Variants in ASPG observed in about 807,000 individuals in gnomAD.
The protein encoded by ASPG is 60 kDa lysophospholipase.
In ASPG, 53 loss-of-function variants were observed where a neutral mutation model predicts 63.2. That is an observed-to-expected ratio of 0.84 (90% CI 0.67 to 1.05). The LOEUF is 1.05. ASPG is among the 50% of genes least tolerant of loss of function. The probability of loss-of-function intolerance (pLI) is 0.00; values close to 1 mark genes in which losing one functional copy is unlikely to be tolerated. For missense variants in ASPG, 741 were observed against 794.4 expected (o/e 0.93, Z 0.81); for synonymous variants, 370 against 355.0 (o/e 1.04, Z -0.48).
At chr14:104,096,141 C>T (rs2036586692) in intron 4 of ASPG, among the ~76,000 whole-genome samples, 2 of 152,228 alleles carry the variant, frequency 1.3e-5, no homozygotes, top group Admixed American at 1.3e-4. Context: ...CTGCCTCTCT[C>T]ACCCTAACCC....
At chr14:104,092,772 GGGCAT>G (rs1381704324) in intron 2 of ASPG, 31 bp downstream of exon 2, 4 of 1,518,512 alleles carry the variant, frequency 2.6e-6, no homozygotes, top group Admixed American at 2.0e-5. Flanking sequence ...GTCCCGGACA[GGGCAT>G]GGCTGCTGAG....
chr14:104,111,112 G>A (rs924504264), intron 13 of ASPG: 53 of 985,332 alleles, frequency 5.4e-5, no homozygotes, highest in Non-Finnish European at 6.1e-5. Context: ...CTGCTCGGCA[G>A]GTGGGCGTGC....
Position 104,103,646 on chromosome 14 carries a change from C to T in ASPG, c.724C>T (p.Arg242Cys), listed in dbSNP as rs763424533. ...CATGGAGCAGGACGTGGGCCTGCTG[C>T]GCCTCTACCCTGGGATCCCTGCCGC... ...SSMEQDVGLL[R>C]LYPGIPAALV... The change falls in exon 7 of 16, where the codon CGC becomes TGC. Residue 242 changes from arginine (R) to cysteine (C), a missense_variant. Physicochemically the swap from Arg to Cys is radical, Grantham distance 180. Transcript: ENST00000551177. 258 of 1,547,970 alleles carry T rather than the reference C, an allele frequency of 1.7e-4. 2 individuals are homozygous for T. The highest frequency in any genetic ancestry group is 2.7e-5 in the African/African-American group (2 of 73,086).
chr14:104,093,801 G>A (rs1174207474), intron 3 of ASPG, among the ~76,000 whole-genome samples, 199 bp downstream of exon 3: 1 of 145,466 alleles, frequency 6.9e-6, no homozygotes, highest in African/African-American at 2.5e-5. Flanking sequence ...TGTGGGTGGG[G>A]CTGTGGAGAG....
rs753116783 is a variant in ASPG at position 104,107,371 on chromosome 14, C to T, written c.1433+26C>T. 2.8e-6 allele frequency: 4 copies of T among 1,451,034 alleles called. No individual in the cohort carries two copies. The South Asian group carries it at 6.0e-5, about 22-fold the overall frequency. The allele number at this position is 1,451,034 out of a possible 1,614,324, so 89.9% of individuals were successfully genotyped here. The stretch of plus-strand genomic sequence containing the variant: ...GTAATGGAGCTAGGGCTGCACAGAG[C>T]TGCCTTGGACAGGTGGGCGCAGAGA... On this transcript the variant is annotated intron_variant, in intron 12 of 15. Coordinates refer to ENST00000551177, the MANE Select transcript of ASPG (RefSeq NM_001080464.3).
intron 5 of ASPG, 24 bp downstream of exon 5, chr14:104,097,661 GC>G (rs763899683): frequency 1.9e-6 from 3 of 1,551,602 alleles, no homozygotes; most frequent in Non-Finnish European, 2.6e-6. Flanking sequence ...GCACGTGGAG[GC>G]GGGGCAGGTG....
At position 104,091,477 on chromosome 14, in the gene ASPG, C is replaced by T. The variant is rs2036365005; in HGVS notation, c.83-1156C>T. Among the ~76,000 whole-genome samples the T allele has an allele frequency of 6.6e-6, 1 of 152,172 alleles. No individual in the cohort carries two copies. The highest frequency in any genetic ancestry group is 2.1e-4 in the South Asian group (1 of 4,830). ...CTCAGCCGGCCTGCATCTTCCAGTC[C>T]TCTGGCAAACGTCCCCGGGGCTCCA... On this transcript the variant is annotated intron_variant, in intron 1 of 15. Coordinates refer to ENST00000551177, the MANE Select transcript of ASPG (RefSeq NM_001080464.3). The surrounding 1 kb of genome is among the most constrained non-coding windows in gnomAD (Gnocchi z 6.4).
chr14:104,103,697 C>T, intron 7 of ASPG, 22 bp downstream of exon 7: 1 of 1,539,960 alleles, frequency 6.5e-7, no homozygotes, highest in Non-Finnish European at 8.8e-7. Flanking sequence ...CCCGGCCATC[C>T]TGCCCCTGCA....
chr14:104,095,096 C>T (rs1373524783), intron 3 of ASPG, among the ~76,000 whole-genome samples: 1 of 152,218 alleles, frequency 6.6e-6, no homozygotes, highest in East Asian at 1.9e-4. Flanking sequence ...GGATCACCTG[C>T]TGGTTCCCGG....
rs760119485 is a variant in ASPG, at chr14:104,112,683, G to A, written c.*139G>A. On this transcript the variant is annotated 3_prime_UTR_variant, in exon 16 of 16. Coordinates refer to ENST00000551177, the MANE Select transcript of ASPG (RefSeq NM_001080464.3). ...CCTGAAGGCCTTTGTTGGGCAGGAC[G>A]GCAATAAAGTCTCTGACATCCCCTC... 2.4e-5 allele frequency: 37 copies of A among 1,527,562 alleles called. No individual in the cohort carries two copies. The highest frequency in any genetic ancestry group is 3.1e-5 in the Non-Finnish European group (35 of 1,139,802). The allele number at this position is 1,527,562 out of a possible 1,614,324, so 94.6% of individuals were successfully genotyped here.
intron 6 of ASPG, among the ~76,000 whole-genome samples, chr14:104,099,597 G>T (rs1006068486): frequency 6.6e-6 from 1 of 152,222 alleles, no homozygotes; most frequent in Non-Finnish European, 1.5e-5. Flanking sequence ...TCCGTCTGGG[G>T]TGTGCTCCTG....
At chr14:104,111,792 TGGA>T in intron 14 of ASPG, 125 bp from the exon 15 acceptor site, 1 of 1,031,876 alleles carries the variant, frequency 9.7e-7, no homozygotes, top group East Asian at 2.6e-5. Context: ...GTGACGAGAG[TGGA>T]GGAGCTGCTG....
In ASPG at chr14:104,098,722, G is replaced by A. The variant is rs772974368; in HGVS notation, c.514-131G>A. The A allele has an allele frequency of 1.9e-4, 264 of 1,393,062 alleles. 1 individual carries two copies. Among genetic ancestry groups the A allele is most frequent in the Non-Finnish European group, 2.3e-4 (233 of 1,028,760 alleles). 86.3% of individuals were successfully genotyped at this position (1,393,062 alleles called of 1,614,324 possible). Reference sequence around the variant, plus strand: ...TGCTCCCAGGAAGGTCTCTGCCTGCGGTGGGTGGGGTTACAGTCCCACCTC... The same window carrying A: ...TGCTCCCAGGAAGGTCTCTGCCTGCAGTGGGTGGGGTTACAGTCCCACCTC... On this transcript the variant is annotated intron_variant, in intron 5 of 15. Transcript: ENST00000551177.
chr14:104,105,938 G>A (rs911900082), intron 10 of ASPG, among the ~76,000 whole-genome samples: 1 of 152,224 alleles, frequency 6.6e-6, no homozygotes, highest in Non-Finnish European at 1.5e-5. Context: ...CCTGGACCCC[G>A]CAACATGCCC....
chr14:104,109,647 G>C lies in ASPG; in HGVS notation c.1520+332G>C, dbSNP rs887296252. Among the ~76,000 whole-genome samples the C allele has an allele frequency of 2.6e-5, 4 of 151,302 alleles. No individual in the cohort carries two copies. Among genetic ancestry groups the C allele is most frequent in the Non-Finnish European group, 4.4e-5 (3 of 67,730 alleles). On this transcript the variant is annotated intron_variant, in intron 13 of 15. Transcript: ENST00000551177. The surrounding 1 kb of genome is among the most constrained non-coding windows in gnomAD (Gnocchi z 4.8). ...AGGAGGGGTATGGGAATTGGTTGTC[G>C]GGTGTGAGAGGGGCTGGGGTGTGGA...
intron 1 of ASPG, among the ~76,000 whole-genome samples, chr14:104,086,141 G>A (rs1415876217): frequency 6.6e-6 from 1 of 152,226 alleles, no homozygotes; most frequent in Non-Finnish European, 1.5e-5. Context: ...GAGGGCCAGC[G>A]TCCTGAAGTC....
Position 104,114,669 on chromosome 14 carries a change from G to T in ASPG, c.*2125G>T, listed in dbSNP as rs2037440399. ...TGGGCTCTGAGCTGGGCAGTGACCT[G>T]GCCCCAAGGCCTCTGGCTCTCTGGC... On this transcript the variant is annotated 3_prime_UTR_variant, in exon 16 of 16. Transcript: ENST00000551177. 1 of 152,564 alleles carries T rather than the reference G, an allele frequency of 6.6e-6. No individual in the cohort carries two copies. Among genetic ancestry groups the T allele is most frequent in the South Asian group, 2.1e-4 (1 of 4,836 alleles). The allele number at this position is 152,564 out of a possible 1,614,324, so 9.5% of individuals were successfully genotyped here.
chr14:104,092,724 G>T lies in ASPG; in HGVS notation c.174G>T (p.Glu58Asp), dbSNP rs2036406979. 2 of 1,536,290 alleles carry T rather than the reference G, an allele frequency of 1.3e-6. No homozygotes were observed. Among genetic ancestry groups the T allele is most frequent in the Non-Finnish European group, 1.7e-6 (2 of 1,146,926 alleles). Reference protein sequence around the residue: ...EEHARARGLSEDTLVLPPASR... With the variant: ...EEHARARGLSDDTLVLPPASR... ...ACGCCCGAGCCCGCGGCCTCTCTGA[G>T]GACACCCTGGTGCTACCGTGAGTGT... The change falls in exon 2 of 16, where the codon GAG (glutamate) becomes GAT (aspartate). Residue 58 changes from glutamate to aspartate, a missense_variant. Glu to Asp is a conservative substitution (Grantham distance 45, BLOSUM62 2). Transcript: ENST00000551177.
At chr14:104,105,078 G>T in intron 9 of ASPG, 1 of 609,962 alleles carries the variant, frequency 1.6e-6, no homozygotes, top group Non-Finnish European at 2.9e-6. Context: ...CCAGACCCTT[G>T]GGTTGCCAGC....
Sources: allele counts gnomAD v4.1 joint callset (sites outside exome capture counted in the v4.1 genomes callset), GRCh38; gene constraint gnomAD v4.1.1; non-coding constraint Gnocchi (gnomAD v3.1); transcripts MANE v1.5; gene names NCBI Gene and HGNC (gene_info 2026-07-23, HGNC 2026-07-21).